Variants in PTPRJ observed in about 807,000 individuals in gnomAD.
PTPRJ encodes the protein receptor-type tyrosine-protein phosphatase eta.
In PTPRJ, 129 loss-of-function variants were observed where a neutral mutation model predicts 141.3. That is an observed-to-expected ratio of 0.91 (90% CI 0.79 to 1.06). The LOEUF (loss-of-function observed/expected upper bound fraction) is 1.06. PTPRJ is among the 50% of genes least tolerant of loss of function. The pLI is 0.00. For synonymous variants in PTPRJ, 610 were observed against 640.5 expected, an observed-to-expected ratio of 0.95 and a Z score of 0.72; for missense variants, 1,601 against 1,679.7, an observed-to-expected ratio of 0.95 and a Z score of 0.82.
intron 4 of PTPRJ, among the ~76,000 whole-genome samples, chr11:48,123,257 A>C (rs1856749978): frequency 6.6e-6 from 1 of 152,252 alleles, no homozygotes; most frequent in Non-Finnish European, 1.5e-5. Context: ...CTGATATCTA[A>C]AACACATACA....
chr11:48,036,339 G>C (rs1217633512), intron 1 of PTPRJ, among the ~76,000 whole-genome samples: 2 of 152,188 alleles, frequency 1.3e-5, no homozygotes, highest in African/African-American at 4.8e-5. Context: ...TCTCAGCTTT[G>C]TTTTAACTGC....
intron 10 of PTPRJ, 42 bp from the exon 11 acceptor site, chr11:48,139,443 CA>C: frequency 6.3e-7 from 1 of 1,595,154 alleles, no homozygotes; most frequent in Non-Finnish European, 8.6e-7. Flanking sequence ...TTTGCAAAGG[CA>C]AAAGTCCCGG....
At chr11:48,147,419 G>A (rs1488100499) in intron 15 of PTPRJ, among the ~76,000 whole-genome samples, 1 of 152,216 alleles carries the variant, frequency 6.6e-6, no homozygotes, top group Non-Finnish European at 1.5e-5. Context: ...TCAGTGTCTT[G>A]TGCCTTGTAT....
intron 1 of PTPRJ, among the ~76,000 whole-genome samples, chr11:48,109,098 A>G (rs1313690607): frequency 6.6e-6 from 1 of 151,984 alleles, no homozygotes; most frequent in Non-Finnish European, 1.5e-5. Flanking sequence ...TGTTTGTGGG[A>G]GGGAATAAAT....
chr11:48,149,605 T>C, intron 16 of PTPRJ, 117 bp downstream of exon 16: 1 of 724,666 alleles, frequency 1.4e-6, no homozygotes, highest in Non-Finnish European at 2.2e-6. Flanking sequence ...ATTTTGACCA[T>C]GACCATCTGG....
intron 1 of PTPRJ, among the ~76,000 whole-genome samples, chr11:48,009,323 C>T (rs1397472593): frequency 6.6e-6 from 1 of 152,172 alleles, no homozygotes; most frequent in African/African-American, 2.4e-5. Context: ...AGGCTGGGCG[C>T]AGTGGCTCAC....
At chr11:48,002,747 C>T (rs566747604) in intron 1 of PTPRJ, among the ~76,000 whole-genome samples, 8 of 152,102 alleles carry the variant, frequency 5.3e-5, no homozygotes, top group Admixed American at 6.6e-5. Context: ...GTTTCCTGGG[C>T]GGCTTTGCCC....
Position 48,112,819 on chromosome 11 carries a change from G to A in PTPRJ, c.188G>A (p.Ser63Asn). ...TGENGITQIS[S>N]TAESFHKQNG... The stretch of plus-strand genomic sequence containing the variant: ...GAAAATGGCATAACGCAGATCAGCA[G>A]TACAGCAGAATCCTTTCATAAACAG... Residue 63 changes from serine to asparagine, a missense_variant, in exon 3 of 25, where the codon AGT (serine) becomes AAT (asparagine). Physicochemically the swap from Ser to Asn is conservative, Grantham distance 46 (BLOSUM62 1). Coordinates refer to ENST00000418331, the MANE Select transcript of PTPRJ (RefSeq NM_002843.4). The A allele has an allele frequency of 6.2e-7, 1 of 1,614,212 alleles. No individual in the cohort carries two copies. Among genetic ancestry groups the A allele is most frequent in the South Asian group, 1.1e-5 (1 of 91,088 alleles).
At chr11:47,982,912 A>T (rs1377316437) in intron 1 of PTPRJ, among the ~76,000 whole-genome samples, 4 of 151,156 alleles carry the variant, frequency 2.6e-5, no homozygotes, top group African/African-American at 9.7e-5. Context: ...TTTTTTGGAC[A>T]CATTATGAAA....
intron 1 of PTPRJ, among the ~76,000 whole-genome samples, chr11:48,025,290 T>C (rs1309131602): frequency 6.6e-6 from 1 of 152,218 alleles, no homozygotes; most frequent in Non-Finnish European, 1.5e-5. Flanking sequence ...TTACATGTTC[T>C]ACCCAAAGGG....
chr11:48,071,419 C>T (rs58821424), intron 1 of PTPRJ, among the ~76,000 whole-genome samples: 2,286 of 151,632 alleles, frequency 0.015, 58 homozygotes, highest in African/African-American at 0.053. Context: ...CGGGTTCACG[C>T]CATTCTCCTG....
At chr11:48,063,988 G>A (rs944907659) in intron 1 of PTPRJ, among the ~76,000 whole-genome samples, 59 of 151,346 alleles carry the variant, frequency 3.9e-4, no homozygotes, top group African/African-American at 1.4e-3. Flanking sequence ...TTGATTCTCA[G>A]TGATTTTTTT....
chr11:48,008,989 T>A (rs1854701257), intron 1 of PTPRJ, among the ~76,000 whole-genome samples: 1 of 152,242 alleles, frequency 6.6e-6, no homozygotes, highest in African/African-American at 2.4e-5. Flanking sequence ...TAAAACTTGC[T>A]GATATTTCGT....
intron 1 of PTPRJ, among the ~76,000 whole-genome samples, chr11:48,105,476 G>C (rs1856265148): frequency 6.6e-6 from 1 of 152,184 alleles, no homozygotes; most frequent in African/African-American, 2.4e-5. Context: ...GAGGTTCAGT[G>C]AGGCAAGAAG....
At chr11:47,999,778 A>G (rs1854439474) in intron 1 of PTPRJ, among the ~76,000 whole-genome samples, 1 of 152,164 alleles carries the variant, frequency 6.6e-6, no homozygotes, top group Non-Finnish European at 1.5e-5. Context: ...CTAGTGGCAC[A>G]AGGAGAAGGA....
chr11:48,113,542 C>A (rs1303300600), intron 3 of PTPRJ, among the ~76,000 whole-genome samples: 1 of 152,104 alleles, frequency 6.6e-6, no homozygotes, highest in Non-Finnish European at 1.5e-5. Context: ...GCTTGTAAAG[C>A]CTGAAATATT....
At chr11:48,074,135 A>G (rs2134276814) in intron 1 of PTPRJ, among the ~76,000 whole-genome samples, 1 of 152,234 alleles carries the variant, frequency 6.6e-6, no homozygotes, top group Non-Finnish European at 1.5e-5. Context: ...ACATGCCACC[A>G]TGCCCAGCTA....
At chr11:48,013,477 C>A (rs566389261) in intron 1 of PTPRJ, among the ~76,000 whole-genome samples, 4 of 152,126 alleles carry the variant, frequency 2.6e-5, no homozygotes, top group Non-Finnish European at 5.9e-5. Context: ...CCTGGCCTCC[C>A]GGAAGTGCTC....
intron 1 of PTPRJ, among the ~76,000 whole-genome samples, chr11:48,063,343 A>C (rs1383191809): frequency 1.3e-5 from 2 of 152,170 alleles, no homozygotes; most frequent in African/African-American, 4.8e-5. Context: ...CAACAACAAC[A>C]AGAACAACAA....
Sources: allele counts gnomAD v4.1 joint callset (sites outside exome capture counted in the v4.1 genomes callset), GRCh38; gene constraint gnomAD v4.1.1; transcripts MANE v1.5; gene names NCBI Gene and HGNC (gene_info 2026-07-23, HGNC 2026-07-21).